Variants in DLG2 observed in about 807,000 individuals in gnomAD.
DLG2 encodes the protein discs large MAGUK scaffold protein 2.
Under a neutral mutation model 132.5 loss-of-function variants are expected in DLG2, and 45 were observed. That is an observed-to-expected ratio of 0.34 (90% confidence interval 0.27 to 0.44). The LOEUF is 0.44. Ranked by LOEUF, DLG2 falls within the 20% of genes least tolerant of loss-of-function variation. The pLI is 1.00. For synonymous variants in DLG2, 424 were observed against 419.6 expected, an observed-to-expected ratio of 1.01 and a Z score of -0.13; for missense variants, 1,045 against 1,196.9, an observed-to-expected ratio of 0.87 and a Z score of 1.87.
chr11:83,532,548 C>A (rs879501016), intron 21 of DLG2, among the ~76,000 whole-genome samples, 160 bp downstream of exon 21: 1 of 152,128 alleles, frequency 6.6e-6, no homozygotes, highest in African/African-American at 2.4e-5. Flanking sequence ...AAATCCATTT[C>A]ATCAGAAATC....
chr11:83,735,152 G>C (rs1460666596), intron 18 of DLG2, among the ~76,000 whole-genome samples: 1 of 152,066 alleles, frequency 6.6e-6, no homozygotes, highest in Non-Finnish European at 1.5e-5. Flanking sequence ...TAGGATGGAA[G>C]GTGAGGGCAT....
chr11:84,637,012 T>C (rs1489524785), intron 6 of DLG2, among the ~76,000 whole-genome samples: 3 of 151,984 alleles, frequency 2.0e-5, no homozygotes, highest in Non-Finnish European at 4.4e-5. Context: ...GGTCTTGAAC[T>C]CCTGACCTCA....
At chr11:84,363,271 G>C (rs1213035052) in intron 7 of DLG2, among the ~76,000 whole-genome samples, 38 of 152,052 alleles carry the variant, frequency 2.5e-4, no homozygotes, top group East Asian at 1.5e-3. Flanking sequence ...TGATGGTGAG[G>C]ATTTTTTCAT....
intron 4 of DLG2, among the ~76,000 whole-genome samples, chr11:85,207,705 A>G (rs1040966815): frequency 7.2e-5 from 11 of 152,088 alleles, no homozygotes; most frequent in African/African-American, 2.7e-4. Flanking sequence ...CCAAAAATTC[A>G]TATTTTGGCA....
At chr11:84,893,427 A>G (rs2089727896) in intron 6 of DLG2, among the ~76,000 whole-genome samples, 1 of 152,182 alleles carries the variant, frequency 6.6e-6, no homozygotes, top group South Asian at 2.1e-4. Context: ...TAAAGTGTCA[A>G]TAGCTCTAAA....
chr11:84,017,055 C>CA (rs1425398732), intron 11 of DLG2, among the ~76,000 whole-genome samples: 2 of 151,648 alleles, frequency 1.3e-5, no homozygotes, highest in African/African-American at 4.8e-5. Context: ...ATAGCATATG[C>CA]AAAGACTTCA....
chr11:84,371,983 G>A (rs753232216), intron 7 of DLG2, among the ~76,000 whole-genome samples: 24 of 152,158 alleles, frequency 1.6e-4, no homozygotes, highest in Non-Finnish European at 2.8e-4. Context: ...AAAATTGCAT[G>A]TTCAGATCTT....
chr11:85,014,169 T>A (rs1251632846), intron 6 of DLG2, among the ~76,000 whole-genome samples: 4 of 152,216 alleles, frequency 2.6e-5, no homozygotes, highest in African/African-American at 9.6e-5. Context: ...TTCACTCAAA[T>A]CCAGCTGCAT....
chr11:83,494,905 CTAGAA>C (rs1164953465), intron 21 of DLG2, among the ~76,000 whole-genome samples: 1 of 152,150 alleles, frequency 6.6e-6, no homozygotes, highest in African/African-American at 2.4e-5. Flanking sequence ...ACATGAAGAA[CTAGAA>C]TAGAAGATTC....
intron 7 of DLG2, among the ~76,000 whole-genome samples, chr11:84,349,020 T>C (rs1462595094): frequency 6.6e-6 from 1 of 152,186 alleles, no homozygotes; most frequent in East Asian, 1.9e-4. Context: ...AAGCCACCAA[T>C]TTGGGGTACT....
At chr11:83,514,553 C>T (rs2095211054) in intron 21 of DLG2, among the ~76,000 whole-genome samples, 1 of 152,182 alleles carries the variant, frequency 6.6e-6, no homozygotes, top group Non-Finnish European at 1.5e-5. Context: ...CTGGCCAGAA[C>T]TTCCAACACT....
At chr11:83,937,236 G>A (rs1012876270) in intron 14 of DLG2, among the ~76,000 whole-genome samples, 5 of 152,062 alleles carry the variant, frequency 3.3e-5, no homozygotes, top group African/African-American at 7.2e-5. Flanking sequence ...AGCCGGGCGC[G>A]GTGGCTCATG....
At chr11:83,791,681 C>T (rs1404659090) in intron 17 of DLG2, 1 of 295,818 alleles carries the variant, frequency 3.4e-6, no homozygotes, top group East Asian at 1.0e-4. Context: ...CGCCTGTAAT[C>T]CGAACACTTT....
At chr11:84,627,136 G>T (rs1403946284) in intron 6 of DLG2, among the ~76,000 whole-genome samples, 2 of 152,058 alleles carry the variant, frequency 1.3e-5, no homozygotes, top group Non-Finnish European at 2.9e-5. Flanking sequence ...CTCCTAAAGT[G>T]CTGGGATTAC....
Position 84,234,850 on chromosome 11 carries a change from CAA to C in DLG2, c.573+16386_573+16387del, listed in dbSNP as rs1350324904. Among the ~76,000 whole-genome samples the C allele has an allele frequency of 1.4e-4, 22 of 152,366 alleles. 2 individuals carry two copies. The South Asian group carries it at 4.6e-3, about 32-fold the overall frequency. On this transcript the variant is annotated intron_variant, in intron 8 of 27. Coordinates refer to ENST00000376104, the MANE Select transcript of DLG2 (RefSeq NM_001142699.3). The stretch of plus-strand genomic sequence containing the variant: ...TTTGACATAATTTGAAATGGCCACA[CAA>C]AGTTTTCTCTTATGGGGAAAATCTA...
At chr11:85,406,772 GCAGA>G (rs1565446162) in intron 3 of DLG2, among the ~76,000 whole-genome samples, 2 of 151,820 alleles carry the variant, frequency 1.3e-5, no homozygotes, top group Non-Finnish European at 2.9e-5. Flanking sequence ...CTCTGCTCCT[GCAGA>G]GCTTAGATTC....
intron 3 of DLG2, among the ~76,000 whole-genome samples, chr11:85,407,026 C>T (rs2088817495): frequency 6.6e-6 from 1 of 151,814 alleles, no homozygotes; most frequent in South Asian, 2.1e-4. Context: ...GTAGAATGGC[C>T]AGTGCAAAGG....
intron 7 of DLG2, among the ~76,000 whole-genome samples, chr11:84,280,252 AT>A: frequency 6.6e-6 from 1 of 152,306 alleles, no homozygotes; most frequent in Non-Finnish European, 1.5e-5. Context: ...AAAATAAAAA[AT>A]AATGCAATTT....
chr11:85,450,293 A>AT (rs371583164), intron 3 of DLG2, among the ~76,000 whole-genome samples: 4 of 151,688 alleles, frequency 2.6e-5, no homozygotes, highest in African/African-American at 9.7e-5. Context: ...ACAGGGAGAC[A>AT]TTTTTTTTCA....
Sources: gnomAD v4.1 joint callset for allele counts (sites outside exome capture counted in the v4.1 genomes callset) on GRCh38, gnomAD v4.1.1 for gene constraint, MANE v1.5 for transcripts, NCBI Gene and HGNC (gene_info 2026-07-23, HGNC 2026-07-21) for gene names.